Variants in SNX18 observed in about 807,000 individuals in gnomAD.
The protein encoded by SNX18 is sorting nexin-18.
In SNX18, 35 loss-of-function variants were observed where a neutral mutation model predicts 48.7. The ratio of observed to expected loss-of-function variants is 0.72; its 90% CI spans 0.55 to 0.95. The LOEUF (loss-of-function observed/expected upper bound fraction) is 0.95. Among genes scored for constraint, SNX18 ranks in the 40% least tolerant of loss-of-function variants. The pLI is 0.00. For synonymous variants in SNX18, 492 were observed against 384.7 expected (o/e 1.28, Z -3.26); for missense variants, 824 against 871.0 (o/e 0.95, Z 0.68).
At chr5:54,588,306 C>CTTTATTTTT in the SNX18 span, among the ~76,000 whole-genome samples, 60 of 73,918 alleles carry the variant, frequency 8.1e-4, 5 homozygotes, top group Middle Eastern at 0.04. Flanking sequence ...TATTTCTATT[C>CTTTATTTTT]TTTTTTTTTT....
the SNX18 span, among the ~76,000 whole-genome samples, chr5:54,591,682 G>A: frequency 3.3e-5 from 5 of 152,152 alleles, no homozygotes; most frequent in Admixed American, 1.3e-4. Context: ...CTGCCCTTTC[G>A]AAGTTAGGTG....
the SNX18 span, among the ~76,000 whole-genome samples, chr5:54,552,858 A>G: frequency 6.6e-6 from 1 of 150,560 alleles, no homozygotes; most frequent in Non-Finnish European, 1.5e-5. Flanking sequence ...CTAAGCGGGG[A>G]GGAGGGAGGG....
the SNX18 span, among the ~76,000 whole-genome samples, chr5:54,566,505 C>A: frequency 1.3e-5 from 2 of 152,180 alleles, no homozygotes; most frequent in African/African-American, 2.4e-5. Context: ...CATTGGAGCC[C>A]TTGTCACAGA....
intron 1 of SNX18, among the ~76,000 whole-genome samples, chr5:54,528,265 T>A (rs927603775): frequency 1.3e-5 from 2 of 152,152 alleles, no homozygotes; most frequent in Non-Finnish European, 2.9e-5. Context: ...CCTTGTTGCT[T>A]GACTTGGATA....
At chr5:54,606,305 A>G in the SNX18 span, among the ~76,000 whole-genome samples, 6 of 152,350 alleles carry the variant, frequency 3.9e-5, no homozygotes, top group African/African-American at 9.6e-5. Context: ...TCTTATATGA[A>G]TCTTCTTTTG....
chr5:54,543,118 G>A (rs1762503595), intron 1 of SNX18, 61 bp from the exon 2 acceptor site: 1 of 1,514,690 alleles, frequency 6.6e-7, no homozygotes, highest in East Asian at 2.3e-5. Flanking sequence ...TTAATATGTA[G>A]TTATGTTCTT....
the SNX18 span, among the ~76,000 whole-genome samples, chr5:54,554,413 A>G: frequency 6.6e-5 from 10 of 152,210 alleles, no homozygotes; most frequent in Non-Finnish European, 1.0e-4. Flanking sequence ...CTTTCTTGCT[A>G]CAAGTAGACA....
the SNX18 span, among the ~76,000 whole-genome samples, chr5:54,600,172 G>T: frequency 6.6e-6 from 1 of 152,082 alleles, no homozygotes; most frequent in African/African-American, 2.4e-5. Context: ...CAAAGGACAT[G>T]AACAGACCCC....
At chr5:54,538,619 G>T (rs1762402198) in intron 1 of SNX18, among the ~76,000 whole-genome samples, 1 of 152,182 alleles carries the variant, frequency 6.6e-6, no homozygotes, top group Non-Finnish European at 1.5e-5. Flanking sequence ...CTTGGGAAAA[G>T]ATGTATATAT....
At chr5:54,559,009 A>T in the SNX18 span, among the ~76,000 whole-genome samples, 1 of 152,170 alleles carries the variant, frequency 6.6e-6, no homozygotes, top group Non-Finnish European at 1.5e-5. Context: ...CTAGGAATAC[A>T]GCTAACTAGG....
the SNX18 span, among the ~76,000 whole-genome samples, chr5:54,565,555 A>G: frequency 6.6e-6 from 1 of 152,322 alleles, no homozygotes; most frequent in South Asian, 2.1e-4. Context: ...CCTGGGTGAC[A>G]GAGTGAGACC....
the SNX18 span, among the ~76,000 whole-genome samples, chr5:54,620,150 A>G: frequency 6.6e-6 from 1 of 152,112 alleles, no homozygotes; most frequent in African/African-American, 2.4e-5. Context: ...AAGGAAGCAG[A>G]TGTCACAGGC....
At chr5:54,639,909 C>A in the SNX18 span, among the ~76,000 whole-genome samples, 2 of 152,242 alleles carry the variant, frequency 1.3e-5, no homozygotes, top group East Asian at 1.9e-4. Context: ...AAGCTGTGGG[C>A]CCACGCACTA....
chr5:54,523,496 G>A (rs1762070031), intron 1 of SNX18, among the ~76,000 whole-genome samples: 2 of 151,008 alleles, frequency 1.3e-5, no homozygotes, highest in African/African-American at 2.5e-5. Flanking sequence ...GCTAGAGGGA[G>A]TTCCTTTAAG....
the SNX18 span, among the ~76,000 whole-genome samples, chr5:54,626,905 A>C: frequency 0.048 from 7,299 of 152,310 alleles, 282 homozygotes; most frequent in African/African-American, 0.1. Context: ...CATGTAGAAC[A>C]TGTTGCTTGG....
chr5:54,561,742 C>G, the SNX18 span, among the ~76,000 whole-genome samples: 1 of 152,252 alleles, frequency 6.6e-6, no homozygotes, highest in Non-Finnish European at 1.5e-5. Context: ...ATTATGTGTA[C>G]AACAGACTAA....
chr5:54,531,396 TGAAG>T (rs1328234062), intron 1 of SNX18, among the ~76,000 whole-genome samples: 3 of 152,210 alleles, frequency 2.0e-5, no homozygotes, highest in Non-Finnish European at 4.4e-5. Context: ...GGAATGGGGC[TGAAG>T]GGAGTCTTAG....
chr5:54,615,131 AC>A, the SNX18 span, among the ~76,000 whole-genome samples: 6 of 152,136 alleles, frequency 3.9e-5, no homozygotes, highest in Non-Finnish European at 8.8e-5. Context: ...AGGAAGCCTG[AC>A]CCTTGTGGGA....
the SNX18 span, among the ~76,000 whole-genome samples, chr5:54,634,630 T>C: frequency 4.6e-5 from 7 of 152,034 alleles, no homozygotes; most frequent in Non-Finnish European, 1.5e-5. Flanking sequence ...ACTCAAAAGA[T>C]TGGACACGCC....
Sources: gnomAD v4.1 joint callset for allele counts (sites outside exome capture counted in the v4.1 genomes callset) on GRCh38, gnomAD v4.1.1 for gene constraint, MANE v1.5 for transcripts, NCBI Gene and HGNC (gene_info 2026-07-23, HGNC 2026-07-21) for gene names.